The following MMP15 variants were observed in gnomAD, a reference collection of about 807,000 sequenced individuals.
The protein encoded by MMP15 is matrix metalloproteinase-15.
In MMP15, 36 loss-of-function variants were observed where a neutral mutation model predicts 65.0. That is an observed-to-expected ratio of 0.55 (90% confidence interval 0.42 to 0.73). The LOEUF (loss-of-function observed/expected upper bound fraction) is 0.73. MMP15 is among the 30% of genes least tolerant of loss of function. The probability of loss-of-function intolerance (pLI) is 0.00; values close to 1 mark genes in which losing one functional copy is unlikely to be tolerated. For synonymous variants in MMP15, 428 were observed against 410.2 expected (o/e 1.04, Z -0.52); for missense variants, 870 against 987.8 (o/e 0.88, Z 1.60).
chr16:58,039,942 G>A lies in MMP15; in HGVS notation c.508G>A (p.Val170Met), dbSNP rs535130485. 1.9e-6 allele frequency: 3 copies of A among 1,613,314 alleles called. No individual in the cohort carries two copies. Among genetic ancestry groups the A allele is most frequent in the Admixed American group, 1.7e-5 (1 of 60,008 alleles). ...GGAGGCGGTGCGCAGGGCCTTCCGCGTGTGGGAGCAGGCCACGCCCCTGGT... is the reference window on the plus strand; with the variant it reads ...GGAGGCGGTGCGCAGGGCCTTCCGCATGTGGGAGCAGGCCACGCCCCTGGT... ...SMEAVRRAFR[V>M]WEQATPLVFQ... The change falls in exon 4 of 10, where the codon GTG becomes ATG. Residue 170 changes from valine to methionine, a missense_variant. Coordinates refer to ENST00000219271, the MANE Select transcript of MMP15 (RefSeq NM_002428.4).
chr16:58,044,624 C>T (rs756444123), intron 9 of MMP15, among the ~76,000 whole-genome samples: 1 of 152,234 alleles, frequency 6.6e-6, no homozygotes, highest in Non-Finnish European at 1.5e-5. Flanking sequence ...AGGTTCCTTC[C>T]GCTCTAGAAC....
intron 6 of MMP15, 110 bp downstream of exon 6, chr16:58,041,980 T>G: frequency 1.5e-6 from 2 of 1,337,234 alleles, no homozygotes; most frequent in South Asian, 3.0e-5. Flanking sequence ...CCCTCAGCTC[T>G]AGATGGGGAG....
chr16:58,036,701 C>G (rs763347098), intron 1 of MMP15, among the ~76,000 whole-genome samples: 2 of 152,136 alleles, frequency 1.3e-5, no homozygotes, highest in Non-Finnish European at 2.9e-5. Flanking sequence ...TGCCCTTGAG[C>G]CTGGATGGGT....
Position 58,030,708 on chromosome 16 carries a change from G to A in MMP15, c.162+4196G>A, listed in dbSNP as rs933770545. Among the ~76,000 whole-genome samples the A allele has an allele frequency of 4.6e-5, 7 of 152,284 alleles. No homozygotes were observed. In the East Asian group the frequency reaches 9.7e-4, roughly 21 times the overall value. Reference sequence around the variant, plus strand: ...GTGAGAGTCCAGCTCCACGTTCAGCGTTTCTGAGCATGGCACTTGATACAT... The same window carrying A: ...GTGAGAGTCCAGCTCCACGTTCAGCATTTCTGAGCATGGCACTTGATACAT... On this transcript the variant is annotated intron_variant, in intron 1 of 9. Transcript: ENST00000219271.
intron 1 of MMP15, among the ~76,000 whole-genome samples, chr16:58,030,181 G>C (rs188172591): frequency 6.6e-6 from 1 of 152,330 alleles, no homozygotes; most frequent in African/African-American, 2.4e-5. Flanking sequence ...CAAAGACAGA[G>C]AGGGGTTGTG....
rs751000537 is a variant in MMP15, at chr16:58,039,923, G to A, written c.489G>A (p.Ala163=). ...TGGGCTGGTACCACTCGATGGAGGC[G>A]GTGCGCAGGGCCTTCCGCGTGTGGG... The part of the protein sequence containing the change: ...EKLGWYHSME[A]VRRAFRVWEQ... The change falls in exon 4 of 10, where the codon GCG becomes GCA. Residue 163 remains alanine, a synonymous_variant. Transcript: ENST00000219271. The A allele has an allele frequency of 2.9e-5, 47 of 1,610,482 alleles. No homozygotes were observed. Among genetic ancestry groups the A allele is most frequent in the East Asian group, 4.5e-5 (2 of 44,774 alleles).
At chr16:58,038,496 G>T in intron 3 of MMP15, 102 bp downstream of exon 3, 1 of 1,487,604 alleles carries the variant, frequency 6.7e-7, no homozygotes, top group Non-Finnish European at 9.2e-7. Flanking sequence ...TAACAGTCCA[G>T]CCCGCTTTCA....
rs150382270 is a variant in MMP15 at position 58,045,472 on chromosome 16, C to T, written c.*26C>T. 16,514 of 1,480,798 alleles carry T rather than the reference C, an allele frequency of 0.011. 124 individuals carry two copies. Among genetic ancestry groups the T allele is most frequent in the South Asian group, 0.023 (1,718 of 73,500 alleles). 91.7% of individuals were successfully genotyped at this position (1,480,798 alleles called of 1,614,324 possible). On this transcript the variant is annotated 3_prime_UTR_variant, in exon 10 of 10. Transcript: ENST00000219271. ...CCACCCAGCGCTCCTGCTAACGGTG[C>T]TCAGGGGGCGCCTGTGGTTCTGAGA...
rs747884887 is a variant in MMP15, at chr16:58,026,450, C to T, written c.100C>T (p.Leu34=). 3 of 1,452,212 alleles carry T rather than the reference C, an allele frequency of 2.1e-6. No individual in the cohort carries two copies. The highest frequency in any genetic ancestry group is 2.7e-5 in the Admixed American group (1 of 37,126). 90.0% of individuals were successfully genotyped at this position (1,452,212 alleles called of 1,614,324 possible). ...GCGGCCGCGACTGCTGCCGCTGCTCCTGGTGCTTCTGGGCTGCCTGGGCCT... is the reference window on the plus strand; with the variant it reads ...GCGGCCGCGACTGCTGCCGCTGCTCTTGGTGCTTCTGGGCTGCCTGGGCCT... The part of the protein sequence containing the change: ...AARPRLLPLL[L]VLLGCLGLGV... The change falls in exon 1 of 10, where the codon CTG becomes TTG. Residue 34 remains leucine (L), a synonymous_variant. Coordinates refer to ENST00000219271, the MANE Select transcript of MMP15 (RefSeq NM_002428.4).
chr16:58,028,332 C>A (rs1165283741), intron 1 of MMP15, among the ~76,000 whole-genome samples: 1 of 152,180 alleles, frequency 6.6e-6, no homozygotes, highest in Non-Finnish European at 1.5e-5. Flanking sequence ...TGGGGAAACA[C>A]TTGGGTTGGA....
At chr16:58,033,382 G>C (rs1341529172) in intron 1 of MMP15, among the ~76,000 whole-genome samples, 1 of 152,198 alleles carries the variant, frequency 6.6e-6, no homozygotes, top group Non-Finnish European at 1.5e-5. Flanking sequence ...TCTGAACCTT[G>C]CCGTCTGTAT....
chr16:58,043,172 C>G, intron 7 of MMP15, 38 bp from the exon 8 acceptor site: 1 of 1,528,192 alleles, frequency 6.5e-7, no homozygotes, highest in East Asian at 2.3e-5. Context: ...CCCTCAGCCC[C>G]AGGCCTGACC....
chr16:58,029,153 C>T (rs957843482), intron 1 of MMP15, among the ~76,000 whole-genome samples: 6 of 152,244 alleles, frequency 3.9e-5, no homozygotes, highest in African/African-American at 1.4e-4. Context: ...CGAGTATCTT[C>T]CTAGCCCCTA....
At position 58,045,476 on chromosome 16, in the gene MMP15, G is replaced by A. The variant is rs1959547565; in HGVS notation, c.*30G>A. On this transcript the variant is annotated 3_prime_UTR_variant, in exon 10 of 10. Coordinates refer to ENST00000219271, the MANE Select transcript of MMP15 (RefSeq NM_002428.4). ...CCAGCGCTCCTGCTAACGGTGCTCA[G>A]GGGGCGCCTGTGGTTCTGAGATGGC... 2 of 1,475,008 alleles carry A rather than the reference G, an allele frequency of 1.4e-6. No individual in the cohort carries two copies. Among genetic ancestry groups the A allele is most frequent in the Non-Finnish European group, 9.0e-7 (1 of 1,112,302 alleles). The allele number at this position is 1,475,008 out of a possible 1,614,324, so 91.4% of individuals were successfully genotyped here. A position where few individuals can be genotyped will look rare whatever the true frequency, so the allele number is the denominator to read the frequency against.
Position 58,043,231 on chromosome 16 carries a change from G to C in MMP15, c.1325G>C (p.Arg442Pro). The change falls in exon 8 of 10, where the codon CGA (arginine) becomes CCA (proline). Residue 442 changes from arginine to proline, a missense_variant. Coordinates refer to ENST00000219271, the MANE Select transcript of MMP15 (RefSeq NM_002428.4). Reference sequence around the variant, plus strand: ...GTAGGTGACCGCTACTGGCTCTTTCGAGAAGCGAACCTGGAGCCCGGCTAC... The same window carrying C: ...GTAGGTGACCGCTACTGGCTCTTTCCAGAAGCGAACCTGGAGCCCGGCTAC... ...FFKGDRYWLF[R>P]EANLEPGYPQ... 6.3e-7 allele frequency: 1 copy of C among 1,599,962 alleles called. No homozygotes were observed. Among genetic ancestry groups the C allele is most frequent in the Non-Finnish European group, 8.5e-7 (1 of 1,172,446 alleles).
At chr16:58,027,616 G>A (rs779022878) in intron 1 of MMP15, among the ~76,000 whole-genome samples, 3 of 152,162 alleles carry the variant, frequency 2.0e-5, no homozygotes, top group African/African-American at 4.8e-5. Flanking sequence ...CTGGCCCACG[G>A]CGGCTTTCCC....
At position 58,040,228 on chromosome 16, in the gene MMP15, A is replaced by C. The variant is rs1054068393; in HGVS notation, c.748+46A>C. ...TGAGGGGCAGGGCAGGTGGCCCCGG[A>C]GCTGGGCAACAACACCCTGCTGAGT... On this transcript the variant is annotated intron_variant, in intron 4 of 9. Transcript: ENST00000219271. The C allele has an allele frequency of 5.8e-6, 9 of 1,561,580 alleles. No homozygotes were observed. In the African/African-American group the frequency reaches 1.2e-4, roughly 21 times the overall value.
chr16:58,028,498 T>C (rs41531048), intron 1 of MMP15, among the ~76,000 whole-genome samples: 10 of 152,188 alleles, frequency 6.6e-5, no homozygotes, highest in Admixed American at 6.5e-4. Flanking sequence ...TCTGGCCACA[T>C]GTGGGCCCAA....
In MMP15 at chr16:58,045,126, G is replaced by A. The variant is rs748583150; in HGVS notation, c.1690G>A (p.Glu564Lys). ...CTTCATGGGCTGCCAGGAGCACGTG[G>A]AGCCAGGCCCCCGATGGCCCGACGT... ...RDFMGCQEHV[E>K]PGPRWPDVAR... is the part of the protein sequence containing the mutation. Residue 564 changes from glutamate to lysine, a missense_variant, in exon 10 of 10, where the codon GAG (glutamate) becomes AAG (lysine). Coordinates refer to ENST00000219271, the MANE Select transcript of MMP15 (RefSeq NM_002428.4). The A allele has an allele frequency of 1.9e-5, 30 of 1,606,332 alleles. No homozygotes were observed. Among genetic ancestry groups the A allele is most frequent in the Non-Finnish European group, 2.5e-5 (29 of 1,176,646 alleles).
Sources: gnomAD v4.1 joint callset for allele counts (sites outside exome capture counted in the v4.1 genomes callset) on GRCh38, gnomAD v4.1.1 for gene constraint, MANE v1.5 for transcripts, NCBI Gene and HGNC (gene_info 2026-07-23, HGNC 2026-07-21) for gene names.